SPAG16: variants seen among roughly 807,000 people sequenced by gnomAD.
SPAG16 encodes sperm-associated antigen 16 protein.
A neutral mutation model predicts 80.4 loss-of-function variants in SPAG16; 86 were observed. The ratio of observed to expected loss-of-function variants is 1.07; its 90% CI spans 0.90 to 1.28. The LOEUF is 1.28. SPAG16 is among the 50% of genes most tolerant of loss of function. The probability of loss-of-function intolerance (pLI) is 0.00; values close to 1 mark genes in which losing one functional copy is unlikely to be tolerated. For synonymous variants in SPAG16, 294 were observed against 265.9 expected, an observed-to-expected ratio of 1.11 and a Z score of -1.03; for missense variants, 870 against 765.3, an observed-to-expected ratio of 1.14 and a Z score of -1.61.
intron 14 of SPAG16, among the ~76,000 whole-genome samples, chr2:214,108,479 A>C (rs202152052): frequency 0.034 from 1,799 of 52,386 alleles, 19 homozygotes; most frequent in Non-Finnish European, 0.047. Flanking sequence ...ACACACACAC[A>C]CCCCCACACA....
chr2:213,501,349 C>T (rs569157508), intron 10 of SPAG16, among the ~76,000 whole-genome samples: 1 of 152,286 alleles, frequency 6.6e-6, no homozygotes, highest in East Asian at 1.9e-4. Context: ...ATAATATTAA[C>T]TGCCTGAGAA....
chr2:213,859,280 ATTAAAGATC>A (rs986361979), intron 10 of SPAG16, among the ~76,000 whole-genome samples: 1 of 150,592 alleles, frequency 6.6e-6, no homozygotes, highest in Non-Finnish European at 1.5e-5. Flanking sequence ...AAGAAAATGA[ATTAAAGATC>A]TTAAAGATCT....
rs893298213 is a variant in SPAG16 at position 214,273,926 on chromosome 2, G to A, written c.1720+124660G>A. 7.2e-5 allele frequency among the ~76,000 whole-genome samples: 11 copies of A among 152,260 alleles called. No homozygotes were observed. The Middle Eastern group carries it at 0.01, about 141-fold the overall frequency. On this transcript the variant is annotated intron_variant, in intron 15 of 15. Transcript: ENST00000331683. ...CACGATATTGATTCTTCCTATCCAT[G>A]TGCATGGAATGTTCTTCCATTTGTT...
chr2:214,268,303 A>T (rs1160606916), intron 15 of SPAG16, among the ~76,000 whole-genome samples: 4 of 151,852 alleles, frequency 2.6e-5, no homozygotes, highest in African/African-American at 9.7e-5. Context: ...CTGTATATAT[A>T]TATCCAAAGG....
At chr2:213,739,509 A>G (rs75905324) in intron 10 of SPAG16, among the ~76,000 whole-genome samples, 1 of 152,210 alleles carries the variant, frequency 6.6e-6, no homozygotes, top group Non-Finnish European at 1.5e-5. Context: ...ATCTAGGCAT[A>G]CTTATTTAGT....
Position 213,438,584 on chromosome 2 carries a change from T to TG in SPAG16, c.943-51379_943-51378insG, listed in dbSNP as rs202070920. 8.7e-3 allele frequency among the ~76,000 whole-genome samples: 1,320 copies of TG among 152,380 alleles called. 20 individuals are homozygous for TG. Among genetic ancestry groups the TG allele is most frequent in the African/African-American group, 0.03 (1,232 of 41,594 alleles). ...CTGGTTCTTTACAGAAGATGTTTACTACTGTTCTAGGTAGAGTTCAAAGAT... is the reference window on the plus strand; with the variant it reads ...CTGGTTCTTTACAGAAGATGTTTACTGACTGTTCTAGGTAGAGTTCAAAGAT... On this transcript the variant is annotated intron_variant, in intron 9 of 15. Transcript: ENST00000331683.
At chr2:213,648,782 A>T (rs1237212013) in intron 10 of SPAG16, among the ~76,000 whole-genome samples, 1 of 152,192 alleles carries the variant, frequency 6.6e-6, no homozygotes, top group Admixed American at 6.5e-5. Flanking sequence ...CTCAAATTTT[A>T]AAAATTCCAG....
At chr2:214,162,279 C>CAA (rs2056470614) in intron 15 of SPAG16, among the ~76,000 whole-genome samples, 1 of 152,018 alleles carries the variant, frequency 6.6e-6, no homozygotes, top group South Asian at 2.1e-4. Flanking sequence ...CAAACTTGTG[C>CAA]AATCACATTT....
intron 15 of SPAG16, among the ~76,000 whole-genome samples, chr2:214,387,488 A>G (rs1488133473): frequency 3.9e-5 from 6 of 152,196 alleles, no homozygotes; most frequent in South Asian, 2.1e-4. Context: ...TATTATTCCA[A>G]TTGGACTTTT....
At chr2:214,390,473 C>T (rs1392292851) in intron 15 of SPAG16, among the ~76,000 whole-genome samples, 2 of 152,062 alleles carry the variant, frequency 1.3e-5, no homozygotes, top group East Asian at 1.9e-4. Flanking sequence ...TATTCTTCTA[C>T]ACCACTCAGC....
chr2:213,571,819 A>C (rs1249480973), intron 10 of SPAG16, among the ~76,000 whole-genome samples: 1 of 109,284 alleles, frequency 9.2e-6, no homozygotes, highest in Non-Finnish European at 1.7e-5. Flanking sequence ...CCTGGATAAT[A>C]TCCTGCAGAG....
Position 214,138,961 on chromosome 2 carries a change from T to G in SPAG16, c.1594-10179T>G, listed in dbSNP as rs1267712007. 2.0e-5 allele frequency among the ~76,000 whole-genome samples: 3 copies of G among 152,076 alleles called. No homozygotes were observed. The East Asian group carries it at 5.8e-4, about 29-fold the overall frequency. On this transcript the variant is annotated intron_variant, in intron 14 of 15. Coordinates refer to ENST00000331683, the MANE Select transcript of SPAG16 (RefSeq NM_024532.5). ...GATAGCAAACCTATGACTGCTAGAG[T>G]GATCTTGGGCTGGGTAACCAAGCTA...
At chr2:214,070,134 AG>A (rs1365807202) in intron 13 of SPAG16, among the ~76,000 whole-genome samples, 2 of 148,822 alleles carry the variant, frequency 1.3e-5, no homozygotes, top group African/African-American at 5.0e-5. Flanking sequence ...TAAGACCATG[AG>A]TTTTTTCCTT....
chr2:214,270,376 A>G (rs1436911002), intron 15 of SPAG16, among the ~76,000 whole-genome samples: 1 of 152,162 alleles, frequency 6.6e-6, no homozygotes, highest in Non-Finnish European at 1.5e-5. Flanking sequence ...TTTTACTTTC[A>G]TAGGAGAAGG....
At chr2:213,484,242 A>C (rs2073882106) in intron 9 of SPAG16, among the ~76,000 whole-genome samples, 1 of 152,222 alleles carries the variant, frequency 6.6e-6, no homozygotes, top group African/African-American at 2.4e-5. Flanking sequence ...ATATTTAAGT[A>C]CATTTGGGAA....
intron 12 of SPAG16, among the ~76,000 whole-genome samples, chr2:213,999,858 T>A (rs2046704456): frequency 6.6e-6 from 1 of 152,216 alleles, no homozygotes; most frequent in Non-Finnish European, 1.5e-5. Flanking sequence ...CAGACTTGCA[T>A]GGGCCCTGTA....
chr2:213,800,789 C>T (rs2071348540), intron 10 of SPAG16, among the ~76,000 whole-genome samples: 1 of 152,130 alleles, frequency 6.6e-6, no homozygotes, highest in African/African-American at 2.4e-5. Flanking sequence ...AACATAACGT[C>T]CCAATTCTGC....
chr2:213,658,092 A>G (rs938834002), intron 10 of SPAG16, among the ~76,000 whole-genome samples: 8 of 123,926 alleles, frequency 6.5e-5, no homozygotes, highest in African/African-American at 4.1e-4. Context: ...CAATTCTGCT[A>G]TGAGGAGGTG....
intron 15 of SPAG16, among the ~76,000 whole-genome samples, chr2:214,156,283 G>A (rs1417039679): frequency 6.6e-6 from 1 of 152,084 alleles, no homozygotes; most frequent in South Asian, 2.1e-4. Flanking sequence ...ACCTTACACT[G>A]CAGTGTAAAT....
Sources: allele counts gnomAD v4.1 joint callset (sites outside exome capture counted in the v4.1 genomes callset), GRCh38; gene constraint gnomAD v4.1.1; transcripts MANE v1.5; gene names NCBI Gene and HGNC (gene_info 2026-07-23, HGNC 2026-07-21).